The following DYSF variants were observed in gnomAD, a reference collection of about 807,000 sequenced individuals.
DYSF encodes the protein dysferlin.
Under a neutral mutation model 274.9 loss-of-function variants are expected in DYSF, and 212 were observed. The ratio of observed to expected loss-of-function variants is 0.77; its 90% CI spans 0.69 to 0.86. The LOEUF is 0.86. Among genes scored for constraint, DYSF ranks in the 40% least tolerant of loss-of-function variants. The pLI is 0.00. For synonymous variants in DYSF, 1,091 were observed against 1,078.7 expected (o/e 1.01, Z -0.22); for missense variants, 2,666 against 2,783.2 (o/e 0.96, Z 0.95).
At chr2:71,543,905 G>A (rs1169283077) in intron 17 of DYSF, among the ~76,000 whole-genome samples, 1 of 148,286 alleles carries the variant, frequency 6.7e-6, no homozygotes, top group Non-Finnish European at 1.5e-5. Flanking sequence ...GGGAGACCGT[G>A]GGGAGAGGGG....
intron 3 of DYSF, among the ~76,000 whole-genome samples, chr2:71,494,692 G>C (rs2152702980): frequency 6.6e-6 from 1 of 152,310 alleles, no homozygotes; most frequent in South Asian, 2.1e-4. Context: ...CTCATGCCTT[G>C]AGCCTCACCC....
In DYSF at chr2:71,567,970, C is replaced by CT; in HGVS notation, c.2586dup (p.Gly863TrpfsTer20). On this transcript the variant is annotated frameshift_variant, in exon 25 of 56. Transcript: ENST00000410020. LOFTEE classifies it high-confidence loss of function. ...ACCCAGTATCCGATGGAGAAGGTGC[C>CT]TGGCGCCCGGATGCCAGTGCAGATA... is the stretch of plus-strand genomic sequence containing the variant. The CT allele has an allele frequency of 6.2e-7, 1 of 1,614,136 alleles. No individual in the cohort carries two copies. The highest frequency in any genetic ancestry group is 1.1e-5 in the South Asian group (1 of 91,060).
chr2:71,656,458 G>A (rs548764885), intron 43 of DYSF, among the ~76,000 whole-genome samples, 168 bp downstream of exon 43: 44 of 152,122 alleles, frequency 2.9e-4, no homozygotes, highest in Admixed American at 7.9e-4. Context: ...GAATCTGACT[G>A]GTGATGGGAT....
At chr2:71,545,909 GGAA>G (rs1220588377) in intron 17 of DYSF, among the ~76,000 whole-genome samples, 1 of 152,192 alleles carries the variant, frequency 6.6e-6, no homozygotes, top group Non-Finnish European at 1.5e-5. Flanking sequence ...AGCATGCTGC[GGAA>G]GGCATTCAAA....
intron 1 of DYSF, among the ~76,000 whole-genome samples, chr2:71,477,645 A>G (rs987989525): frequency 6.6e-6 from 1 of 152,210 alleles, no homozygotes; most frequent in Non-Finnish European, 1.5e-5. Flanking sequence ...AAAATTTTCC[A>G]AATGACCAAT....
At chr2:71,570,804 T>G (rs1158667579) in intron 29 of DYSF, 63 bp downstream of exon 29, 1 of 1,602,880 alleles carries the variant, frequency 6.2e-7, no homozygotes, top group African/African-American at 1.3e-5. Flanking sequence ...TAGGCACAGA[T>G]GCAGACCTGC....
intron 41 of DYSF, among the ~76,000 whole-genome samples, chr2:71,641,304 G>C (rs1040254341): frequency 3.1e-4 from 46 of 148,670 alleles, no homozygotes; most frequent in Non-Finnish European, 6.4e-4. Context: ...TCAGCCTCCC[G>C]AGTAGCTGGG....
chr2:71,511,561 G>A (rs890538691), intron 4 of DYSF, among the ~76,000 whole-genome samples: 11 of 152,194 alleles, frequency 7.2e-5, no homozygotes, highest in Middle Eastern at 3.2e-3. Context: ...GGCACAGGGC[G>A]GTCACAGATC....
In DYSF at chr2:71,564,083, T is replaced by A. The variant is rs1267552467; in HGVS notation, c.2435T>A (p.Val812Asp). 2.5e-6 allele frequency: 4 copies of A among 1,614,098 alleles called. No homozygotes were observed. In the Admixed American group the frequency reaches 6.7e-5, roughly 27 times the overall value. ...EEPQNSLPDI[V>D]IWMLQGDKRV... Reference sequence around the variant, plus strand: ...CCCCAGAACAGCCTGCCGGACATCGTCATCTGGATGCTGCAGGGAGACAAG... The same window carrying A: ...CCCCAGAACAGCCTGCCGGACATCGACATCTGGATGCTGCAGGGAGACAAG... Residue 812 changes from valine (V) to aspartate (D), a missense_variant, in exon 24 of 56, where the codon GTC becomes GAC. Physicochemically the swap from Val to Asp is radical, Grantham distance 152. Around this residue, in one of 3 missense-constraint regions of DYSF, gnomAD observed 412 missense variants for 504.0 expected, o/e 0.82. Coordinates refer to ENST00000410020, the MANE Select transcript of DYSF (RefSeq NM_001130987.2).
intron 40 of DYSF, among the ~76,000 whole-genome samples, chr2:71,613,922 T>G (rs1315229203): frequency 1.3e-5 from 2 of 152,100 alleles, no homozygotes; most frequent in African/African-American, 4.8e-5. Context: ...TTCCTCCATC[T>G]GCAGGGAAAA....
chr2:71,585,771 A>C (rs1442590896), intron 30 of DYSF, among the ~76,000 whole-genome samples: 1 of 152,034 alleles, frequency 6.6e-6, no homozygotes, highest in Non-Finnish European at 1.5e-5. Flanking sequence ...TGATGGGTGC[A>C]CGCTGGGCAC....
chr2:71,677,905 A>G (rs886466745), intron 52 of DYSF, among the ~76,000 whole-genome samples: 2 of 152,256 alleles, frequency 1.3e-5, no homozygotes, highest in African/African-American at 2.4e-5. Flanking sequence ...TCACTGCAAC[A>G]TTATTCATAA....
chr2:71,523,535 C>G (rs2087528965), intron 12 of DYSF, among the ~76,000 whole-genome samples: 1 of 146,934 alleles, frequency 6.8e-6, no homozygotes, highest in Non-Finnish European at 1.5e-5. Flanking sequence ...CACCTTATCA[C>G]CAGTCATCTT....
intron 17 of DYSF, among the ~76,000 whole-genome samples, chr2:71,548,034 G>A (rs1375437732): frequency 6.6e-6 from 1 of 152,194 alleles, no homozygotes; most frequent in African/African-American, 2.4e-5. Flanking sequence ...TGGCCCTCTC[G>A]CTGTTGCAGA....
At chr2:71,462,307 G>A (rs771634584), upstream of DYSF, among the ~76,000 whole-genome samples, 1 of 152,192 alleles carries the variant, frequency 6.6e-6, no homozygotes, top group African/African-American at 2.4e-5. Flanking sequence ...CTGCGGCTGG[G>A]CCAGGCATAC....
intron 4 of DYSF, among the ~76,000 whole-genome samples, chr2:71,509,934 C>T (rs1235851842): frequency 6.6e-6 from 1 of 152,222 alleles, no homozygotes; most frequent in Non-Finnish European, 1.5e-5. Context: ...TGCCACCACG[C>T]CTGGCTAATA....
rs1417797236 is a variant in DYSF at position 71,611,232 on chromosome 2, C to G, written c.3958-13C>G. 6.3e-7 allele frequency: 1 copy of G among 1,586,160 alleles called. No homozygotes were observed. The highest frequency in any genetic ancestry group is 8.7e-7 in the Non-Finnish European group (1 of 1,154,648). On this transcript the variant is annotated splice_polypyrimidine_tract_variant and intron_variant, in intron 36 of 55. Transcript: ENST00000410020. Reference sequence around the variant, plus strand: ...TCCACCTTTGTCTCCATTCTACCTGCTGTCCACTGCAGTCTGAGGACACAG... The same window carrying G: ...TCCACCTTTGTCTCCATTCTACCTGGTGTCCACTGCAGTCTGAGGACACAG...
intron 41 of DYSF, among the ~76,000 whole-genome samples, chr2:71,630,207 G>T (rs1187302137): frequency 6.6e-6 from 1 of 152,188 alleles, no homozygotes; most frequent in African/African-American, 2.4e-5. Flanking sequence ...AAATAGTTTA[G>T]ATTTGCAGTA....
intron 3 of DYSF, among the ~76,000 whole-genome samples, chr2:71,482,760 G>A (rs964413557): frequency 6.6e-6 from 1 of 152,170 alleles, no homozygotes; most frequent in African/African-American, 2.4e-5. Context: ...AAGCATCAGA[G>A]TGGGAGTCCG....
Sources: allele counts gnomAD v4.1 joint callset (sites outside exome capture counted in the v4.1 genomes callset), GRCh38; gene constraint gnomAD v4.1.1; regional missense constraint gnomAD v4.1.1; transcripts MANE v1.5; gene names NCBI Gene and HGNC (gene_info 2026-07-23, HGNC 2026-07-21).